ZNF804A: variants seen among roughly 807,000 people sequenced by gnomAD.
The protein encoded by ZNF804A is zinc finger protein 804A.
Under a neutral mutation model 16.5 loss-of-function variants are expected in ZNF804A, and 2 were observed. The observed-to-expected ratio is 0.12, with a 90% confidence interval of 0.05 to 0.38. ZNF804A has a LOEUF of 0.38. Among genes scored for constraint, ZNF804A ranks in the 10% least tolerant of loss-of-function variants. The pLI, the probability that ZNF804A is intolerant of heterozygous loss-of-function variation, is 0.99. For synonymous variants in ZNF804A, 534 were observed against 489.6 expected (o/e 1.09, Z -1.20); for missense variants, 1,473 against 1,390.7 (o/e 1.06, Z -0.94).
chr2:184,711,497 G>A (rs1261257951), intron 1 of ZNF804A, among the ~76,000 whole-genome samples: 2 of 151,712 alleles, frequency 1.3e-5, no homozygotes, highest in Non-Finnish European at 3.0e-5. Context: ...CTGTGCAGAA[G>A]CTTTTAAGTT....
At chr2:184,858,326 A>G (rs1317293165) in intron 1 of ZNF804A, among the ~76,000 whole-genome samples, 1 of 151,984 alleles carries the variant, frequency 6.6e-6, no homozygotes, top group Non-Finnish European at 1.5e-5. Flanking sequence ...CAACATGGCG[A>G]AACCCCGTCT....
chr2:184,839,852 TTCTCAATAAA>T (rs1695408510), intron 1 of ZNF804A, among the ~76,000 whole-genome samples: 2 of 152,116 alleles, frequency 1.3e-5, no homozygotes, highest in Admixed American at 1.3e-4. Flanking sequence ...CATTTATCAG[TTCTCAATAAA>T]TCTCTTTTAA....
chr2:184,771,876 T>C (rs1277972121), intron 1 of ZNF804A, among the ~76,000 whole-genome samples: 1 of 152,022 alleles, frequency 6.6e-6, no homozygotes, highest in African/African-American at 2.4e-5. Flanking sequence ...ACCTGATTGC[T>C]TTAGCGATAT....
At chr2:184,770,614 C>T (rs978702352) in intron 1 of ZNF804A, among the ~76,000 whole-genome samples, 1 of 151,810 alleles carries the variant, frequency 6.6e-6, no homozygotes, top group African/African-American at 2.4e-5. Flanking sequence ...AAGTTTACAT[C>T]TCAAAAAGAA....
At chr2:184,730,058 T>C (rs1693487562) in intron 1 of ZNF804A, among the ~76,000 whole-genome samples, 1 of 152,134 alleles carries the variant, frequency 6.6e-6, no homozygotes, top group Non-Finnish European at 1.5e-5. Flanking sequence ...TGGTTGCCAT[T>C]ACCTGAACAA....
At chr2:184,647,205 A>G (rs1445292031) in intron 1 of ZNF804A, among the ~76,000 whole-genome samples, 1 of 152,196 alleles carries the variant, frequency 6.6e-6, no homozygotes, top group Non-Finnish European at 1.5e-5. Flanking sequence ...GAAAGAAAAA[A>G]CAACAATGAT....
chr2:184,893,331 T>C (rs907143696), intron 2 of ZNF804A, among the ~76,000 whole-genome samples: 1 of 152,016 alleles, frequency 6.6e-6, no homozygotes, highest in African/African-American at 2.4e-5. Flanking sequence ...CGTTTATCTA[T>C]TCAGTTGTTG....
Position 184,682,372 on chromosome 2 carries a change from A to G in ZNF804A, c.111+83302A>G, listed in dbSNP as rs1431333412. ...AATCTTTAAGTAGTATATATTAATTATTTATATTTTAGTAATCATTTTACG... is the reference window on the plus strand; with the variant it reads ...AATCTTTAAGTAGTATATATTAATTGTTTATATTTTAGTAATCATTTTACG... On this transcript the variant is annotated intron_variant, in intron 1 of 3. Transcript: ENST00000302277. Among the ~76,000 whole-genome samples the G allele has an allele frequency of 2.6e-5, 4 of 152,200 alleles. 1 individual carries two copies. The highest frequency in any genetic ancestry group is 4.4e-5 in the Non-Finnish European group (3 of 68,036).
At chr2:184,758,273 T>G (rs574347243) in intron 1 of ZNF804A, among the ~76,000 whole-genome samples, 4 of 151,912 alleles carry the variant, frequency 2.6e-5, no homozygotes, top group African/African-American at 9.7e-5. Flanking sequence ...GCGAATTAGG[T>G]AATATAAAAA....
At chr2:184,923,729 A>C (rs780211422) in intron 2 of ZNF804A, among the ~76,000 whole-genome samples, 7 of 151,900 alleles carry the variant, frequency 4.6e-5, no homozygotes, top group Non-Finnish European at 8.8e-5. Flanking sequence ...GCTCCTTCTA[A>C]ACCCAGTTTT....
intron 2 of ZNF804A, among the ~76,000 whole-genome samples, chr2:184,896,680 A>G (rs1319081229): frequency 6.6e-6 from 1 of 152,118 alleles, no homozygotes; most frequent in Non-Finnish European, 1.5e-5. Flanking sequence ...TGGCAGTTTT[A>G]ATTCTTTCTT....
intron 2 of ZNF804A, among the ~76,000 whole-genome samples, chr2:184,928,344 G>C (rs186077455): frequency 6.6e-6 from 1 of 151,994 alleles, no homozygotes; most frequent in Admixed American, 6.5e-5. Flanking sequence ...GAGTGAGATG[G>C]TATCTTAAGA....
chr2:184,792,293 G>T (rs896018670), intron 1 of ZNF804A, among the ~76,000 whole-genome samples: 3 of 152,178 alleles, frequency 2.0e-5, no homozygotes, highest in African/African-American at 7.2e-5. Flanking sequence ...AGCAATGAAT[G>T]AGAGTTCCTG....
chr2:184,806,423 C>T (rs1694802983), intron 1 of ZNF804A, among the ~76,000 whole-genome samples: 1 of 151,710 alleles, frequency 6.6e-6, no homozygotes. Context: ...ATTTCATCAA[C>T]ATTTAAAAAA....
chr2:184,605,188 A>C (rs1434928277), intron 1 of ZNF804A, among the ~76,000 whole-genome samples: 1 of 152,106 alleles, frequency 6.6e-6, no homozygotes, highest in Non-Finnish European at 1.5e-5. Context: ...GTACTGTTGA[A>C]GCGACTTGCT....
intron 2 of ZNF804A, among the ~76,000 whole-genome samples, chr2:184,920,567 T>A (rs931177252): frequency 6.6e-6 from 1 of 152,164 alleles, no homozygotes; most frequent in Non-Finnish European, 1.5e-5. Context: ...ATGGAAACTG[T>A]GACTTTTTTC....
At chr2:184,703,772 G>A (rs923633882) in intron 1 of ZNF804A, among the ~76,000 whole-genome samples, 1 of 150,978 alleles carries the variant, frequency 6.6e-6, no homozygotes, top group African/African-American at 2.4e-5. Context: ...AAGAAGAGCT[G>A]TATATTTTGA....
intron 1 of ZNF804A, among the ~76,000 whole-genome samples, chr2:184,636,971 A>C (rs906325257): frequency 6.6e-6 from 1 of 152,058 alleles, no homozygotes; most frequent in Non-Finnish European, 1.5e-5. Context: ...TCTGATATAC[A>C]CTCTTGCTAT....
intron 1 of ZNF804A, among the ~76,000 whole-genome samples, chr2:184,843,333 G>C (rs1695466130): frequency 6.6e-6 from 1 of 152,026 alleles, no homozygotes; most frequent in South Asian, 2.1e-4. Context: ...CATGATCTTG[G>C]CTCACTGAAA....
Sources: gnomAD v4.1 joint callset for allele counts (sites outside exome capture counted in the v4.1 genomes callset) on GRCh38, gnomAD v4.1.1 for gene constraint, MANE v1.5 for transcripts, NCBI Gene and HGNC (gene_info 2026-07-23, HGNC 2026-07-21) for gene names.